Variants in PRMT8 observed in about 807,000 individuals in gnomAD.
PRMT8 encodes protein arginine N-methyltransferase 8.
A neutral mutation model predicts 47.1 loss-of-function variants in PRMT8; 7 were observed. The ratio of observed to expected loss-of-function variants is 0.15; its 90% CI spans 0.08 to 0.28. The LOEUF (loss-of-function observed/expected upper bound fraction) is 0.28. Among genes scored for constraint, PRMT8 ranks in the 10% least tolerant of loss-of-function variants. The pLI is 1.00. For missense variants in PRMT8, 237 were observed against 505.4 expected (o/e 0.47, Z 5.09); for synonymous variants, 188 against 186.5 (o/e 1.01, Z -0.07).
At chr12:3,446,452 C>T (rs1387935904) in intron 1 of PRMT8, among the ~76,000 whole-genome samples, 5 of 152,292 alleles carry the variant, frequency 3.3e-5, no homozygotes, top group South Asian at 2.1e-4. Flanking sequence ...GCTGCAGCTG[C>T]GCTCCCTCAG....
intron 3 of PRMT8, chr12:3,553,441 T>A (rs1866463390): frequency 1.7e-6 from 1 of 605,284 alleles, no homozygotes; most frequent in African/African-American, 1.9e-5. Flanking sequence ...ACATCAGTCT[T>A]TTCGCAAAGG....
intron 1 of PRMT8, among the ~76,000 whole-genome samples, chr12:3,518,320 T>C (rs967963359): frequency 6.6e-6 from 1 of 151,822 alleles, no homozygotes; most frequent in African/African-American, 2.4e-5. Flanking sequence ...ATGTGCGCCC[T>C]CCTAGAGAAG....
At chr12:3,505,901 A>G (rs1865616813) in intron 1 of PRMT8, among the ~76,000 whole-genome samples, 1 of 152,166 alleles carries the variant, frequency 6.6e-6, no homozygotes, top group Non-Finnish European at 1.5e-5. Flanking sequence ...AGATCCCCTC[A>G]TCTTCCTAGC....
In PRMT8 at chr12:3,549,914, C is replaced by A. The variant is rs748131355; in HGVS notation, c.262-22C>A. ...GGTGTCTTGAATTCACTGACATTTC[C>A]TTTCTTTTCCCTCCATCACAGGAAA... On this transcript the variant is annotated intron_variant, in intron 2 of 9. Coordinates refer to ENST00000382622, the MANE Select transcript of PRMT8 (RefSeq NM_019854.5). The A allele has an allele frequency of 4.3e-6, 7 of 1,611,018 alleles. No individual in the cohort carries two copies. In the East Asian group the frequency reaches 1.6e-4, roughly 36 times the overall value.
chr12:3,464,001 T>C (rs1346259334), intron 1 of PRMT8, among the ~76,000 whole-genome samples: 1 of 152,176 alleles, frequency 6.6e-6, no homozygotes, highest in African/African-American at 2.4e-5. Context: ...TCTACTGCTT[T>C]ATGCACAGAA....
At chr12:3,589,565 T>C (rs906814068) in intron 8 of PRMT8, among the ~76,000 whole-genome samples, 5 of 152,298 alleles carry the variant, frequency 3.3e-5, no homozygotes, top group South Asian at 2.1e-4. Context: ...TTCAAATCTC[T>C]TGGAGTAGAA....
rs767262264 is a variant in PRMT8, at chr12:3,514,940, G to A, written c.75+23240G>A. Among the ~76,000 whole-genome samples the A allele has an allele frequency of 1.3e-5, 2 of 152,140 alleles. No homozygotes were observed. Among genetic ancestry groups the A allele is most frequent in the Non-Finnish European group, 2.9e-5 (2 of 68,034 alleles). On this transcript the variant is annotated intron_variant, in intron 1 of 9. Transcript: ENST00000382622. The surrounding 1 kb of genome is among the most constrained non-coding windows in gnomAD (Gnocchi z 5.9). ...GCAACTGCCACTTTGCTTCCTCTAA[G>A]CTATGTTGACAAACAGAAATTATGG...
chr12:3,558,684 G>A (rs892281571), intron 4 of PRMT8, among the ~76,000 whole-genome samples: 2 of 152,204 alleles, frequency 1.3e-5, no homozygotes, highest in African/African-American at 4.8e-5. Context: ...GTTTGGGATT[G>A]TGCGCTGGTT....
intron 1 of PRMT8, among the ~76,000 whole-genome samples, chr12:3,523,487 A>C (rs1356462176): frequency 6.6e-6 from 1 of 152,182 alleles, no homozygotes; most frequent in African/African-American, 2.4e-5. Context: ...TCCCCATCCC[A>C]CTACTTCCTT....
At chr12:3,468,641 T>G (rs748499306) in intron 1 of PRMT8, among the ~76,000 whole-genome samples, 8 of 152,232 alleles carry the variant, frequency 5.3e-5, no homozygotes, top group Admixed American at 2.0e-4. Flanking sequence ...GTTATGAAAG[T>G]TGATTTGTAA....
intron 1 of PRMT8, among the ~76,000 whole-genome samples, chr12:3,407,644 C>A (rs2137054278): frequency 6.6e-6 from 1 of 152,262 alleles, no homozygotes; most frequent in Middle Eastern, 3.4e-3. Context: ...CTTAATGGAT[C>A]TGGATGTCTA....
chr12:3,592,397 A>G (rs1867327203), intron 9 of PRMT8, 45 bp downstream of exon 9: 2 of 1,575,306 alleles, frequency 1.3e-6, no homozygotes, highest in East Asian at 4.7e-5. Flanking sequence ...AGGGCCCCAC[A>G]GAGCTGGCTC....
At chr12:3,389,449 G>T (rs1479886599) in intron 1 of PRMT8, among the ~76,000 whole-genome samples, 1 of 152,152 alleles carries the variant, frequency 6.6e-6, no homozygotes, top group Non-Finnish European at 1.5e-5. Context: ...CCTTTGGAAG[G>T]CATTCGCTCA....
chr12:3,516,339 A>G (rs1394878243), intron 1 of PRMT8, among the ~76,000 whole-genome samples: 2 of 151,740 alleles, frequency 1.3e-5, no homozygotes, highest in African/African-American at 2.4e-5. Context: ...TCATTCATTC[A>G]TTCGTTTGTT....
chr12:3,393,165 C>A (rs1864212713), intron 1 of PRMT8, among the ~76,000 whole-genome samples: 1 of 146,006 alleles, frequency 6.8e-6, no homozygotes, highest in Non-Finnish European at 1.5e-5. Context: ...TTGTAGGTTG[C>A]CTGTTCACTC....
At chr12:3,439,936 CG>C (rs1864781487) in intron 1 of PRMT8, among the ~76,000 whole-genome samples, 1 of 152,154 alleles carries the variant, frequency 6.6e-6, no homozygotes, top group Non-Finnish European at 1.5e-5. Flanking sequence ...AAGTATGAGT[CG>C]GGCACCACGG....
At chr12:3,423,247 C>T (rs1025780283) in intron 1 of PRMT8, among the ~76,000 whole-genome samples, 6 of 152,148 alleles carry the variant, frequency 3.9e-5, no homozygotes, top group Non-Finnish European at 7.3e-5. Flanking sequence ...TCCCACAGAC[C>T]CCTCCTTCAG....
chr12:3,546,811 T>C (rs1295281477), intron 2 of PRMT8, among the ~76,000 whole-genome samples: 1 of 152,190 alleles, frequency 6.6e-6, no homozygotes, highest in East Asian at 1.9e-4. Flanking sequence ...TCCTAACTTA[T>C]GTAATGAGCC....
At chr12:3,430,120 C>G (rs954046693) in intron 1 of PRMT8, among the ~76,000 whole-genome samples, 1 of 152,182 alleles carries the variant, frequency 6.6e-6, no homozygotes, top group Non-Finnish European at 1.5e-5. Context: ...TAAGGGCTTA[C>G]AATTCTAAGA....
Sources: gnomAD v4.1 joint callset for allele counts (sites outside exome capture counted in the v4.1 genomes callset) on GRCh38, gnomAD v4.1.1 for gene constraint, Gnocchi (gnomAD v3.1) non-coding constraint, MANE v1.5 for transcripts, NCBI Gene and HGNC (gene_info 2026-07-23, HGNC 2026-07-21) for gene names.